The following C13orf42 variants were observed in gnomAD, a reference collection of about 807,000 sequenced individuals.
C13orf42 encodes uncharacterized protein C13orf42.
chr13:51,114,651 TAGACAGACAGACAGAC>T (rs59801187), upstream of C13orf42, among the ~76,000 whole-genome samples: 10,079 of 142,150 alleles, frequency 0.071, 557 homozygotes, highest in South Asian at 0.17. Context: ...TAGATAGAGA[TAGACAGACAGACAGAC>T]AGACAGACAG....
In C13orf42 at chr13:51,095,428, C is replaced by T. The variant is rs185178576; in HGVS notation, c.415-7353G>A. Among the ~76,000 whole-genome samples the T allele has an allele frequency of 3.4e-3, 518 of 151,908 alleles. 4 individuals carry two copies. Among genetic ancestry groups the T allele is most frequent in the East Asian group, 4.4e-3 (23 of 5,180 alleles). ...TTGTTCCCTCAAATATTTCTCATAC[C>T]CCCCTCTCTATTTCTTCTTCTCTGG... On this transcript the variant is annotated intron_variant, in intron 1 of 3. Coordinates refer to ENST00000563710, the MANE Select transcript of C13orf42 (RefSeq NM_001351589.3).
intron 1 of C13orf42, among the ~76,000 whole-genome samples, chr13:51,151,652 A>G (rs1236091385): frequency 1.3e-5 from 2 of 152,234 alleles, no homozygotes; most frequent in Non-Finnish European, 2.9e-5. Flanking sequence ...ATAGTCCAGT[A>G]GGGAGAGAAA....
At chr13:51,113,487 G>A (rs193156787), upstream of C13orf42, among the ~76,000 whole-genome samples, 12 of 152,258 alleles carry the variant, frequency 7.9e-5, no homozygotes, top group East Asian at 1.7e-3. Flanking sequence ...TGCCTTTAAC[G>A]TATCTTACTT....
At chr13:51,098,362 C>T (rs184667387) in intron 1 of C13orf42, among the ~76,000 whole-genome samples, 1 of 152,046 alleles carries the variant, frequency 6.6e-6, no homozygotes, top group Non-Finnish European at 1.5e-5. Context: ...GCTAAGCATC[C>T]AGCCCCCTCT....
At chr13:51,134,977 C>A (rs1279078898) in intron 1 of C13orf42, among the ~76,000 whole-genome samples, 2 of 152,218 alleles carry the variant, frequency 1.3e-5, no homozygotes, top group Non-Finnish European at 2.9e-5. Context: ...TGACTCCATG[C>A]CAGGTACACA....
upstream of C13orf42, among the ~76,000 whole-genome samples, chr13:51,114,614 TGATA>T (rs36090660): frequency 0.02 from 2,666 of 136,684 alleles, 39 homozygotes; most frequent in East Asian, 0.056. Context: ...TACAGATAGA[TGATA>T]GATAGATAGA....
Position 51,170,780 on chromosome 13 carries a change from C to T in C13orf42, n.136+1473G>A, listed in dbSNP as rs577951785. On this transcript the variant is annotated intron_variant and non_coding_transcript_variant, in intron 1 of 4. Transcript: ENST00000433280. Reference sequence around the variant, plus strand: ...CCTTCACCCTTAGCGGCAAGTCCCGCTTTCCTGGGGCAGGGGCAAGTATCC... The same window carrying T: ...CCTTCACCCTTAGCGGCAAGTCCCGTTTTCCTGGGGCAGGGGCAAGTATCC... Among the ~76,000 whole-genome samples, 371 of 152,212 alleles carry T rather than the reference C, an allele frequency of 2.4e-3. 1 individual carries two copies. The highest frequency in any genetic ancestry group is 8.5e-3 in the African/African-American group (352 of 41,518).
chr13:51,125,930 CA>C (rs747377264), intron 1 of C13orf42, among the ~76,000 whole-genome samples: 11 of 152,130 alleles, frequency 7.2e-5, no homozygotes, highest in African/African-American at 2.2e-4. Flanking sequence ...TCAAATGCAC[CA>C]GGGGGCAGCA....
At chr13:51,122,549 A>AG (rs1474848475) in intron 1 of C13orf42, among the ~76,000 whole-genome samples, 5 of 151,648 alleles carry the variant, frequency 3.3e-5, no homozygotes, top group Non-Finnish European at 1.5e-5. Flanking sequence ...AAAAAAAAAA[A>AG]AAAGAAAGAA....
chr13:51,169,340 T>C (rs777630877), intron 1 of C13orf42, among the ~76,000 whole-genome samples: 19 of 152,222 alleles, frequency 1.2e-4, no homozygotes, highest in Admixed American at 2.0e-4. Context: ...ACTTTTGTTA[T>C]GCAGGAGCAA....
rs55888755 is a variant in C13orf42 at position 51,130,150 on chromosome 13, C to T, written n.137-16928G>A. Among the ~76,000 whole-genome samples, 237 of 152,248 alleles carry T rather than the reference C, an allele frequency of 1.6e-3. 1 individual carries two copies. Among genetic ancestry groups the T allele is most frequent in the Non-Finnish European group, 2.8e-3 (193 of 68,014 alleles). On this transcript the variant is annotated intron_variant and non_coding_transcript_variant, in intron 1 of 4. Coordinates refer to the C13orf42 transcript ENST00000433280. Reference sequence around the variant, plus strand: ...GTGTAATGCCTTTTAGTTCACATGACTTTAGTAATCTTTGGGAAATAAAAA... The same window carrying T: ...GTGTAATGCCTTTTAGTTCACATGATTTTAGTAATCTTTGGGAAATAAAAA...
chr13:51,146,954 C>T (rs887766614), intron 1 of C13orf42, among the ~76,000 whole-genome samples: 6 of 152,206 alleles, frequency 3.9e-5, no homozygotes, highest in South Asian at 2.1e-4. Context: ...TGCAGTGGCC[C>T]GCTTTGATCC....
At chr13:51,147,816 T>C (rs903374076) in intron 1 of C13orf42, among the ~76,000 whole-genome samples, 10 of 152,054 alleles carry the variant, frequency 6.6e-5, no homozygotes, top group African/African-American at 2.2e-4. Context: ...TGTTTAAAAA[T>C]ACCCATGCCT....
intron 1 of C13orf42, among the ~76,000 whole-genome samples, chr13:51,135,989 C>T (rs1159745260): frequency 2.6e-5 from 4 of 152,186 alleles, no homozygotes; most frequent in African/African-American, 2.4e-5. Context: ...AGGGTAAACC[C>T]GAGATTAGCA....
At chr13:51,106,490 G>C (rs1173754766) in intron 1 of C13orf42, among the ~76,000 whole-genome samples, 5 of 152,194 alleles carry the variant, frequency 3.3e-5, no homozygotes, top group Non-Finnish European at 7.3e-5. Context: ...GTTCTGGCAC[G>C]ATACAGATTG....
At chr13:51,099,859 A>C (rs1442567006) in intron 1 of C13orf42, among the ~76,000 whole-genome samples, 5 of 152,242 alleles carry the variant, frequency 3.3e-5, no homozygotes, top group Non-Finnish European at 5.9e-5. Context: ...TCCTGGCCTT[A>C]TATGTCATGT....
At chr13:51,109,598 A>T (rs974190703) in intron 1 of C13orf42, among the ~76,000 whole-genome samples, 16 of 151,790 alleles carry the variant, frequency 1.1e-4, no homozygotes, top group Admixed American at 3.3e-4. Flanking sequence ...AAAAAAAAAA[A>T]TTTTAATTAG....
At chr13:51,166,210 A>C (rs1045749978) in intron 1 of C13orf42, among the ~76,000 whole-genome samples, 1 of 152,210 alleles carries the variant, frequency 6.6e-6, no homozygotes, top group African/African-American at 2.4e-5. Flanking sequence ...ATTTTTTCCA[A>C]GTTCAAAAAG....
intron 1 of C13orf42, among the ~76,000 whole-genome samples, chr13:51,167,347 C>G (rs943493156): frequency 6.6e-6 from 1 of 152,122 alleles, no homozygotes. Context: ...CATTGTATGT[C>G]TTGGACAAGT....
Sources: gnomAD v4.1 joint callset for allele counts (sites outside exome capture counted in the v4.1 genomes callset) on GRCh38, gnomAD v4.1.1 for gene constraint, MANE v1.5 for transcripts, NCBI Gene and HGNC (gene_info 2026-07-23, HGNC 2026-07-21) for gene names.